Variants in ERBIN observed in about 807,000 individuals in gnomAD.
The protein encoded by ERBIN is densin-180-like protein.
A neutral mutation model predicts 158.4 loss-of-function variants in ERBIN; 60 were observed. The ratio of observed to expected loss-of-function variants is 0.38; its 90% CI spans 0.31 to 0.47. The LOEUF (loss-of-function observed/expected upper bound fraction) is 0.47. Ranked by LOEUF, ERBIN falls within the 20% of genes least tolerant of loss-of-function variation. ERBIN has a pLI of 0.99. For synonymous variants in ERBIN, 594 were observed against 557.2 expected (o/e 1.07, Z -0.93); for missense variants, 1,610 against 1,648.0 (o/e 0.98, Z 0.40).
chr5:65,958,426 C>T (rs1423960233), intron 1 of ERBIN, among the ~76,000 whole-genome samples: 1 of 152,204 alleles, frequency 6.6e-6, no homozygotes, highest in East Asian at 1.9e-4. Context: ...GGAGACCAGC[C>T]CGGCCAACAC....
chr5:65,964,947 A>AT (rs772634145), intron 1 of ERBIN, among the ~76,000 whole-genome samples: 2,256 of 75,622 alleles, frequency 0.03, 242 homozygotes, highest in African/African-American at 0.056. Flanking sequence ...TGTGTGTGTA[A>AT]TTTTTTTTTT....
chr5:66,046,576 C>CT lies in ERBIN; in HGVS notation c.1788+41dup, dbSNP rs1758469635. 8 of 1,421,796 alleles carry CT rather than the reference C, an allele frequency of 5.6e-6. No individual in the cohort carries two copies. The East Asian group carries it at 1.9e-4, about 33-fold the overall frequency. The allele number at this position is 1,421,796 out of a possible 1,614,324, so 88.1% of individuals were successfully genotyped here. On this transcript the variant is annotated intron_variant, in intron 18 of 25. Transcript: ENST00000284037. ...GATTATTCTGGAGCAACTATAAGAA[C>CT]TTTCAATTTAATATTTTATTGTTGC...
At chr5:65,979,733 T>A (rs1191534923) in intron 1 of ERBIN, among the ~76,000 whole-genome samples, 1 of 152,236 alleles carries the variant, frequency 6.6e-6, no homozygotes, top group African/African-American at 2.4e-5. Flanking sequence ...TAATAGCAGT[T>A]CTATGATAAG....
intron 1 of ERBIN, among the ~76,000 whole-genome samples, chr5:65,971,128 C>T (rs189842101): frequency 1.9e-3 from 295 of 152,104 alleles, no homozygotes; most frequent in African/African-American, 6.3e-3. Flanking sequence ...TTTTTGTGCC[C>T]AGGAAGTCTA....
chr5:66,074,449 C>A (rs1395914747), intron 22 of ERBIN, among the ~76,000 whole-genome samples: 2 of 151,952 alleles, frequency 1.3e-5, no homozygotes, highest in South Asian at 4.2e-4. Flanking sequence ...AACATACACA[C>A]AAGGAATAAA....
At chr5:65,964,754 T>TC (rs1333655596) in intron 1 of ERBIN, among the ~76,000 whole-genome samples, 9 of 147,888 alleles carry the variant, frequency 6.1e-5, no homozygotes, top group Non-Finnish European at 1.3e-4. Flanking sequence ...TTTTTTTTTT[T>TC]TTTTTTGAGA....
chr5:66,022,677 A>G (rs1755826287), intron 8 of ERBIN, among the ~76,000 whole-genome samples: 1 of 152,208 alleles, frequency 6.6e-6, no homozygotes, highest in African/African-American at 2.4e-5. Context: ...CAACACTTGG[A>G]TTAATTTTGA....
rs866289128 is a variant in ERBIN at position 65,977,128 on chromosome 5, G to A, written c.-57-11507G>A. Among the ~76,000 whole-genome samples the A allele has an allele frequency of 2.1e-3, 311 of 151,024 alleles. 2 individuals are homozygous for A. The highest frequency in any genetic ancestry group is 7.3e-3 in the African/African-American group (299 of 41,190). On this transcript the variant is annotated intron_variant, in intron 1 of 25. Coordinates refer to ENST00000284037, the MANE Select transcript of ERBIN (RefSeq NM_001253697.2). ...GCGCCCCTCACCTCCCGGACGGGGC[G>A]GCTGGCCGGGCGGGGGGCTGACTCC...
chr5:66,054,324 T>G lies in ERBIN; in HGVS notation c.3006T>G (p.His1002Gln). The G allele has an allele frequency of 1.9e-6, 3 of 1,614,136 alleles. No homozygotes were observed. The highest frequency in any genetic ancestry group is 2.5e-6 in the Non-Finnish European group (3 of 1,180,016). ...CCAAACAAAATCCCCAAATAGACCA[T>G]GCCAGTTTTCCTCCTCAGCTCCTTC... ...WHSKQNPQIDHASFPPQLLPR... is the reference protein window; with the variant it reads ...WHSKQNPQIDQASFPPQLLPR... Residue 1002 changes from histidine to glutamine, a missense_variant, in exon 21 of 26, where the codon CAT becomes CAG. This residue lies in a region of ERBIN where 1,014 missense variants were observed against 936.1 expected (regional missense o/e 1.08). Coordinates refer to ENST00000284037, the MANE Select transcript of ERBIN (RefSeq NM_001253697.2).
intron 1 of ERBIN, among the ~76,000 whole-genome samples, chr5:65,969,136 G>T (rs1748981142): frequency 6.6e-6 from 1 of 151,960 alleles, no homozygotes; most frequent in African/African-American, 2.4e-5. Context: ...AAAGCAAAAA[G>T]AAAAAAATGC....
At chr5:66,020,140 T>G (rs1357202268) in intron 7 of ERBIN, among the ~76,000 whole-genome samples, 1 of 152,012 alleles carries the variant, frequency 6.6e-6, no homozygotes, top group East Asian at 1.9e-4. Flanking sequence ...AGCAGTTTTA[T>G]AAAAATTGGC....
intron 1 of ERBIN, among the ~76,000 whole-genome samples, chr5:65,932,550 C>G (rs2150840916): frequency 6.6e-6 from 1 of 152,236 alleles, no homozygotes; most frequent in Middle Eastern, 3.4e-3. Flanking sequence ...GAAAGTGTCT[C>G]AGGGACTTCC....
intron 1 of ERBIN, among the ~76,000 whole-genome samples, chr5:65,942,902 C>T (rs1026943099): frequency 1.3e-4 from 12 of 95,006 alleles, no homozygotes; most frequent in Non-Finnish European, 2.3e-4. Context: ...AGCGAGACTC[C>T]GTCTCCAAAA....
At chr5:65,967,649 T>C (rs1748808565) in intron 1 of ERBIN, among the ~76,000 whole-genome samples, 1 of 152,232 alleles carries the variant, frequency 6.6e-6, no homozygotes, top group Non-Finnish European at 1.5e-5. Context: ...AGTGCATTTC[T>C]TAGAACACAT....
At chr5:65,969,601 T>C (rs1349025595) in intron 1 of ERBIN, among the ~76,000 whole-genome samples, 1 of 152,248 alleles carries the variant, frequency 6.6e-6, no homozygotes, top group Non-Finnish European at 1.5e-5. Context: ...ATATTGTTTT[T>C]GAATTTTCAG....
chr5:66,048,349 G>A (rs1223621900), intron 18 of ERBIN, among the ~76,000 whole-genome samples: 1 of 151,866 alleles, frequency 6.6e-6, no homozygotes, highest in Non-Finnish European at 1.5e-5. Context: ...CTAATTCATA[G>A]AGCTATATAT....
chr5:65,941,841 C>CT, intron 1 of ERBIN, among the ~76,000 whole-genome samples: 1 of 152,028 alleles, frequency 6.6e-6, no homozygotes, highest in Non-Finnish European at 1.5e-5. Flanking sequence ...CCCAGATTCA[C>CT]TCCATTCTCC....
At chr5:65,995,830 TGTA>T (rs1311967383) in intron 4 of ERBIN, among the ~76,000 whole-genome samples, 11 of 152,350 alleles carry the variant, frequency 7.2e-5, no homozygotes, top group Admixed American at 2.0e-4. Context: ...TGTATCTCAC[TGTA>T]GATTTAATTT....
chr5:66,018,209 TAAG>T (rs1392371086), intron 7 of ERBIN, among the ~76,000 whole-genome samples: 7 of 150,910 alleles, frequency 4.6e-5, no homozygotes, highest in African/African-American at 7.3e-5. Flanking sequence ...ATATTTCTGT[TAAG>T]AATGTCAGTG....
Sources: allele counts gnomAD v4.1 joint callset (sites outside exome capture counted in the v4.1 genomes callset), GRCh38; gene constraint gnomAD v4.1.1; regional missense constraint gnomAD v4.1.1; transcripts MANE v1.5; gene names NCBI Gene and HGNC (gene_info 2026-07-23, HGNC 2026-07-21).